Variants in ALDH1A1 observed in about 807,000 individuals in gnomAD.
ALDH1A1 encodes aldehyde dehydrogenase 1 family member A1, also known as aldehyde dehydrogenase 1A1.
In ALDH1A1, 19 loss-of-function variants were observed where a neutral mutation model predicts 62.1. The observed-to-expected ratio is 0.31, with a 90% CI of 0.21 to 0.45. ALDH1A1 has a LOEUF of 0.45. Among genes scored for constraint, ALDH1A1 ranks in the 20% least tolerant of loss-of-function variants. The pLI is 1.00. For missense variants in ALDH1A1, 521 were observed against 607.1 expected, an observed-to-expected ratio of 0.86 and a Z score of 1.49; for synonymous variants, 231 against 215.9, an observed-to-expected ratio of 1.07 and a Z score of -0.61.
intron 10 of ALDH1A1, 65 bp downstream of exon 10, chr9:72,911,893 T>TTTAAAA: frequency 6.4e-7 from 1 of 1,574,324 alleles, no homozygotes; most frequent in Non-Finnish European, 8.7e-7. Flanking sequence ...AAAGTGACAC[T>TTTAAAA]TTGTATACAC....
chr9:72,933,113 G>GT lies in ALDH1A1; in HGVS notation c.172-2095dup, dbSNP rs140328941. ...GTAATCTTGCAGATGCAGAAATACAGTAATGTTAGTTAATATATAGTTTGA... is the reference window on the plus strand; with the variant it reads ...GTAATCTTGCAGATGCAGAAATACAGTTAATGTTAGTTAATATATAGTTTGA... On this transcript the variant is annotated intron_variant, in intron 2 of 12. Transcript: ENST00000297785. Among the ~76,000 whole-genome samples, 3 of 152,282 alleles carry GT rather than the reference G, an allele frequency of 2.0e-5. No individual in the cohort carries two copies. In the East Asian group the frequency reaches 5.8e-4, roughly 29 times the overall value.
At chr9:72,952,344 A>T (rs1830553745) in intron 1 of ALDH1A1, among the ~76,000 whole-genome samples, 1 of 151,994 alleles carries the variant, frequency 6.6e-6, no homozygotes, top group East Asian at 1.9e-4. Flanking sequence ...ATCAGTTAAC[A>T]ATTACACATC....
chr9:72,948,137 A>G (rs1156943464), intron 1 of ALDH1A1, among the ~76,000 whole-genome samples: 1 of 151,960 alleles, frequency 6.6e-6, no homozygotes, highest in Non-Finnish European at 1.5e-5. Flanking sequence ...GGCCAAGGTC[A>G]TATAATTAAA....
chr9:72,947,712 TA>T (rs1830491676), intron 1 of ALDH1A1, among the ~76,000 whole-genome samples: 1 of 151,918 alleles, frequency 6.6e-6, no homozygotes, highest in South Asian at 2.1e-4. Flanking sequence ...AGATCCAAGA[TA>T]AAAAGATTTA....
intron 2 of ALDH1A1, among the ~76,000 whole-genome samples, chr9:72,934,447 A>T (rs1474218514): frequency 6.6e-6 from 1 of 152,028 alleles, no homozygotes; most frequent in Non-Finnish European, 1.5e-5. Context: ...TTTCATCTAC[A>T]ATCTCAAGGT....
At chr9:72,930,231 C>T (rs1299854521) in intron 3 of ALDH1A1, among the ~76,000 whole-genome samples, 2 of 152,114 alleles carry the variant, frequency 1.3e-5, no homozygotes, top group Admixed American at 6.6e-5. Context: ...TATGCTCTGA[C>T]TCATCTAACT....
At chr9:72,946,825 A>G (rs530094534) in intron 1 of ALDH1A1, among the ~76,000 whole-genome samples, 37 of 151,854 alleles carry the variant, frequency 2.4e-4, no homozygotes, top group Non-Finnish European at 4.9e-4. Context: ...TGTGAGATTT[A>G]TTTTATGCTG....
chr9:72,919,531 C>G (rs1412942728), intron 7 of ALDH1A1, among the ~76,000 whole-genome samples: 4 of 152,184 alleles, frequency 2.6e-5, no homozygotes, highest in Non-Finnish European at 5.9e-5. Flanking sequence ...TCCCAAAAAA[C>G]CTCATGAAGT....
chr9:72,913,070 T>C (rs1003531745), intron 9 of ALDH1A1, among the ~76,000 whole-genome samples: 1 of 152,094 alleles, frequency 6.6e-6, no homozygotes, highest in African/African-American at 2.4e-5. Context: ...GAAGCTCTTG[T>C]AGGTTTAACT....
chr9:72,921,675 T>A (rs1417534309), intron 7 of ALDH1A1, among the ~76,000 whole-genome samples: 1 of 66,658 alleles, frequency 1.5e-5, no homozygotes, highest in Admixed American at 2.0e-4. Flanking sequence ...CCCTCCCCCC[T>A]CCCCCGACCC....
At chr9:72,908,563 GA>G (rs1320149160) in intron 11 of ALDH1A1, among the ~76,000 whole-genome samples, 161 of 18,802 alleles carry the variant, frequency 8.6e-3, no homozygotes, top group African/African-American at 0.014. Flanking sequence ...AAGAAAGAAA[GA>G]AAGAAAGAAA....
intron 9 of ALDH1A1, among the ~76,000 whole-genome samples, chr9:72,914,222 C>T (rs1238702265): frequency 6.6e-6 from 1 of 152,174 alleles, no homozygotes; most frequent in Non-Finnish European, 1.5e-5. Flanking sequence ...AAAGCACTTA[C>T]ATGTTCTCAA....
rs191399742 is a variant in ALDH1A1 at position 72,927,208 on chromosome 9, A to G, written c.443-31T>C. 3.9e-4 allele frequency: 579 copies of G among 1,489,178 alleles called. 4 individuals are homozygous for G. The African/African-American group carries it at 7.4e-3, about 19-fold the overall frequency. 92.2% of individuals were successfully genotyped at this position (1,489,178 alleles called of 1,614,324 possible). On this transcript the variant is annotated intron_variant, in intron 4 of 12. Transcript: ENST00000297785. ...AAATAAAACACACACAATCATATAT[A>G]AACAAATGTATTTGACATTCACAAA...
chr9:72,908,915 C>G (rs189085267), intron 11 of ALDH1A1, among the ~76,000 whole-genome samples: 3 of 152,228 alleles, frequency 2.0e-5, no homozygotes, highest in Non-Finnish European at 4.4e-5. Flanking sequence ...CTTCAATTAT[C>G]TCTAATAATC....
At chr9:72,921,279 G>T (rs1342498150) in intron 7 of ALDH1A1, among the ~76,000 whole-genome samples, 1 of 150,668 alleles carries the variant, frequency 6.6e-6, no homozygotes, top group Admixed American at 6.6e-5. Flanking sequence ...CTTGCCTAAA[G>T]TGTTGTTAGA....
At chr9:72,936,774 G>A (rs1327235444) in intron 2 of ALDH1A1, among the ~76,000 whole-genome samples, 1 of 152,130 alleles carries the variant, frequency 6.6e-6, no homozygotes, top group Non-Finnish European at 1.5e-5. Flanking sequence ...GATCACCACA[G>A]TACAGTTTTC....
intron 1 of ALDH1A1, among the ~76,000 whole-genome samples, chr9:72,951,861 C>T (rs1830547293): frequency 6.6e-6 from 1 of 151,954 alleles, no homozygotes; most frequent in Non-Finnish European, 1.5e-5. Context: ...CTGATCTCTG[C>T]TGCTACTTTC....
intron 3 of ALDH1A1, 84 bp downstream of exon 3, chr9:72,930,795 C>G: frequency 1.3e-6 from 2 of 1,538,202 alleles, no homozygotes; most frequent in East Asian, 4.5e-5. Context: ...ATATAGTGAT[C>G]CCTAAAATCA....
chr9:72,909,531 A>G, intron 11 of ALDH1A1, 71 bp downstream of exon 11: 1 of 1,390,904 alleles, frequency 7.2e-7, no homozygotes, highest in Non-Finnish European at 9.6e-7. Context: ...TCCAAGTCTG[A>G]AAAAGTTCAA....
Sources: allele counts gnomAD v4.1 joint callset (sites outside exome capture counted in the v4.1 genomes callset), GRCh38; gene constraint gnomAD v4.1.1; transcripts MANE v1.5; gene names NCBI Gene and HGNC (gene_info 2026-07-23, HGNC 2026-07-21).